Variants in ANKRD31 observed in about 807,000 individuals in gnomAD.
The protein encoded by ANKRD31 is ankyrin repeat domain 31.
A neutral mutation model predicts 186.0 loss-of-function variants in ANKRD31; 147 were observed. The ratio of observed to expected loss-of-function variants is 0.79; its 90% confidence interval spans 0.69 to 0.91. The LOEUF (loss-of-function observed/expected upper bound fraction) is 0.91. Ranked by LOEUF, ANKRD31 falls within the 40% of genes least tolerant of loss-of-function variation. The pLI, the probability that ANKRD31 is intolerant of heterozygous loss-of-function variation, is 0.00. For missense variants in ANKRD31, 1,986 were observed against 2,148.8 expected (o/e 0.92, Z 1.50); for synonymous variants, 673 against 736.4 (o/e 0.91, Z 1.39).
At chr5:75,069,178 G>GATAA (rs2149991257) in intron 25 of ANKRD31, among the ~76,000 whole-genome samples, 1 of 152,298 alleles carries the variant, frequency 6.6e-6, no homozygotes, top group African/African-American at 2.4e-5. Context: ...TGAGATGTGA[G>GATAA]AGGAGTGATG....
intron 22 of ANKRD31, among the ~76,000 whole-genome samples, chr5:75,103,325 C>A (rs12654687): frequency 6.6e-6 from 1 of 152,146 alleles, no homozygotes; most frequent in East Asian, 1.9e-4. Context: ...CTCAGAACAG[C>A]GATTATTAAA....
chr5:75,145,111 G>C (rs1047493330), intron 14 of ANKRD31, among the ~76,000 whole-genome samples: 23 of 152,280 alleles, frequency 1.5e-4, no homozygotes, highest in African/African-American at 5.1e-4. Context: ...AGGATGTGGA[G>C]AAATAGGAAT....
At chr5:75,166,740 C>T (rs2150183641) in intron 11 of ANKRD31, among the ~76,000 whole-genome samples, 1 of 152,300 alleles carries the variant, frequency 6.6e-6, no homozygotes, top group African/African-American at 2.4e-5. Flanking sequence ...GTTAGTCTGG[C>T]ATGACTTGTT....
chr5:75,083,984 T>C (rs1183528854), intron 24 of ANKRD31, among the ~76,000 whole-genome samples: 9 of 152,192 alleles, frequency 5.9e-5, no homozygotes, highest in African/African-American at 1.9e-4. Context: ...GATAGCAGAC[T>C]GGTGGTTTCC....
At chr5:75,208,452 T>TGAAA (rs1340606831) in intron 4 of ANKRD31, among the ~76,000 whole-genome samples, 1 of 152,100 alleles carries the variant, frequency 6.6e-6, no homozygotes, top group African/African-American at 2.4e-5. Flanking sequence ...CTTTTTTTCT[T>TGAAA]GAAGCACCTG....
At chr5:75,188,459 C>A in intron 10 of ANKRD31, 34 bp downstream of exon 10, 1 of 1,520,566 alleles carries the variant, frequency 6.6e-7, no homozygotes, top group South Asian at 1.2e-5. Flanking sequence ...ACAAACCACT[C>A]TTAAGGTAAC....
intron 5 of ANKRD31, among the ~76,000 whole-genome samples, chr5:75,202,934 G>A (rs1755909992): frequency 6.6e-6 from 1 of 152,186 alleles, no homozygotes; most frequent in African/African-American, 2.4e-5. Context: ...CCTGGTGCAT[G>A]TGGCACTACT....
At chr5:75,168,540 C>A (rs1415964953) in intron 11 of ANKRD31, among the ~76,000 whole-genome samples, 1 of 152,092 alleles carries the variant, frequency 6.6e-6, no homozygotes, top group Non-Finnish European at 1.5e-5. Flanking sequence ...CTGATATATC[C>A]TGGCTGATCA....
chr5:75,092,140 G>A (rs1561410285), intron 22 of ANKRD31, among the ~76,000 whole-genome samples: 1 of 152,144 alleles, frequency 6.6e-6, no homozygotes, highest in Admixed American at 6.5e-5. Flanking sequence ...ATCTCCTCCC[G>A]AAGGAACTAA....
chr5:75,204,249 A>G (rs1756009283), intron 5 of ANKRD31, among the ~76,000 whole-genome samples: 1 of 152,166 alleles, frequency 6.6e-6, no homozygotes, highest in Non-Finnish European at 1.5e-5. Context: ...CTTTATTTCT[A>G]TACTTGTTCT....
intron 17 of ANKRD31, among the ~76,000 whole-genome samples, chr5:75,121,898 A>G (rs1748822354): frequency 6.6e-6 from 1 of 152,096 alleles, no homozygotes; most frequent in Non-Finnish European, 1.5e-5. Flanking sequence ...TACCTCAAGG[A>G]ACTAGAAAAA....
At chr5:75,217,766 G>A (rs1323065950) in intron 3 of ANKRD31, among the ~76,000 whole-genome samples, 1 of 152,032 alleles carries the variant, frequency 6.6e-6, no homozygotes, top group African/African-American at 2.4e-5. Flanking sequence ...TTCAACATTA[G>A]TATTGATATG....
At chr5:75,213,005 A>C (rs1233268973) in intron 3 of ANKRD31, among the ~76,000 whole-genome samples, 1 of 151,990 alleles carries the variant, frequency 6.6e-6, no homozygotes, top group South Asian at 2.1e-4. Flanking sequence ...ATCATATCAA[A>C]AAACACAAAT....
At chr5:75,098,013 C>T (rs1255307841) in intron 22 of ANKRD31, among the ~76,000 whole-genome samples, 4 of 151,456 alleles carry the variant, frequency 2.6e-5, no homozygotes, top group Non-Finnish European at 4.4e-5. Context: ...TTCCATTGGT[C>T]GTCTATATCT....
In ANKRD31 at chr5:75,125,950, T is replaced by C. The variant is rs148548137; in HGVS notation, c.3877-7653A>G. 4.6e-3 allele frequency among the ~76,000 whole-genome samples: 707 copies of C among 152,288 alleles called. 1 individual carries two copies. Among genetic ancestry groups the C allele is most frequent in the Non-Finnish European group, 8.4e-3 (573 of 68,008 alleles). On this transcript the variant is annotated intron_variant, in intron 17 of 25. Coordinates refer to ENST00000506364, the MANE Select transcript of ANKRD31 (RefSeq NM_001372053.1). ...AGTGATCACGACTACAATAATGACTTAGAGACATTCTACCATCACAAAAAA... is the reference window on the plus strand; with the variant it reads ...AGTGATCACGACTACAATAATGACTCAGAGACATTCTACCATCACAAAAAA...
At chr5:75,160,013 C>A (rs1752464553) in intron 11 of ANKRD31, among the ~76,000 whole-genome samples, 1 of 151,950 alleles carries the variant, frequency 6.6e-6, no homozygotes. Flanking sequence ...TAACTTGAAT[C>A]TATAGGAAAA....
At chr5:75,195,345 GT>G (rs1755392130) in intron 7 of ANKRD31, among the ~76,000 whole-genome samples, 1 of 151,870 alleles carries the variant, frequency 6.6e-6, no homozygotes, top group Non-Finnish European at 1.5e-5. Flanking sequence ...TCTCAGCCCT[GT>G]TGAGAAGAAA....
chr5:75,148,747 C>T (rs984037835), intron 12 of ANKRD31, 119 bp from the exon 13 acceptor site: 13 of 606,858 alleles, frequency 2.1e-5, no homozygotes, highest in African/African-American at 1.7e-4. Flanking sequence ...ATTATGCAAA[C>T]ATTTTATATT....
chr5:75,118,386 A>G, intron 17 of ANKRD31, 89 bp from the exon 18 acceptor site: 2 of 1,171,294 alleles, frequency 1.7e-6, no homozygotes, highest in Non-Finnish European at 2.2e-6. Flanking sequence ...CAAGCATTAA[A>G]AGCTATCAAA....
Sources: allele counts gnomAD v4.1 joint callset (sites outside exome capture counted in the v4.1 genomes callset), GRCh38; gene constraint gnomAD v4.1.1; transcripts MANE v1.5; gene names NCBI Gene and HGNC (gene_info 2026-07-23, HGNC 2026-07-21).